The following NQO2 variants were observed in gnomAD, a reference collection of about 807,000 sequenced individuals.
The protein encoded by NQO2 is N-ribosyldihydronicotinamide:quinone dehydrogenase 2, also known as ribosyldihydronicotinamide dehydrogenase [quinone].
NQO2 carries 18 observed loss-of-function variants against 22.0 expected under a neutral mutation model. The ratio of observed to expected loss-of-function variants is 0.82; its 90% CI spans 0.56 to 1.21. NQO2 has a LOEUF of 1.21. Among genes scored for constraint, NQO2 ranks in the 50% most tolerant of loss-of-function variants. The pLI is 0.00. For missense variants in NQO2, 267 were observed against 286.9 expected (o/e 0.93, Z 0.50); for synonymous variants, 106 against 110.8 (o/e 0.96, Z 0.28).
At chr6:3,004,199 CA>C (rs1756848085) in intron 1 of NQO2, 1 of 412,244 alleles carries the variant, frequency 2.4e-6, no homozygotes, top group East Asian at 1.6e-4. Context: ...ATCTCAACTG[CA>C]AGGCAGCCTA....
chr6:3,001,034 G>A (rs114116262), intron 1 of NQO2, among the ~76,000 whole-genome samples: 2,682 of 151,406 alleles, frequency 0.018, 81 homozygotes, highest in African/African-American at 0.061. Context: ...GTACAGGTGG[G>A]AGTTTCACCA....
At chr6:3,000,460 T>G (rs1021550710) in intron 1 of NQO2, 8 of 152,238 alleles carry the variant, frequency 5.3e-5, no homozygotes, top group Non-Finnish European at 1.0e-4. Flanking sequence ...GCGCTGCCTT[T>G]GTCAAGGACA....
At chr6:3,016,243 C>T (rs1411387231) in intron 5 of NQO2, among the ~76,000 whole-genome samples, 6 of 151,826 alleles carry the variant, frequency 4.0e-5, no homozygotes, top group Admixed American at 1.3e-4. Context: ...CCAGCCTGGC[C>T]GACATGGTGA....
rs151077579 is a variant in NQO2, at chr6:3,010,121, G to T, written c.104G>T (p.Cys35Phe). Residue 35 changes from cysteine (C) to phenylalanine (F), a missense_variant, in exon 3 of 7, where the codon TGC becomes TTC. Transcript: ENST00000380455. ...VAVDELSRQG[C>F]TVTVSDLYAM... is the part of the protein sequence containing the mutation. ...GTAGATGAACTGAGCAGGCAGGGCT[G>T]CACCGTCACAGTGTCTGATTTGTAT... is the stretch of plus-strand genomic sequence containing the variant. 1.2e-6 allele frequency: 2 copies of T among 1,613,872 alleles called. No individual in the cohort carries two copies. The highest frequency in any genetic ancestry group is 1.3e-5 in the African/African-American group (1 of 74,900).
rs779029369 is a variant in NQO2 at position 3,006,435 on chromosome 6, C to T, written c.-85-33C>T. 7 of 1,568,064 alleles carry T rather than the reference C, an allele frequency of 4.5e-6. No individual in the cohort carries two copies. The highest frequency in any genetic ancestry group is 3.9e-5 in the Admixed American group (2 of 51,820). ...TACATTCGACCTCACCTATGCCTCTCCCCACCCCCTCTGGGTTCGTTTTGT... is the reference window on the plus strand; with the variant it reads ...TACATTCGACCTCACCTATGCCTCTTCCCACCCCCTCTGGGTTCGTTTTGT... On this transcript the variant is annotated intron_variant, in intron 1 of 6. Transcript: ENST00000380455. The surrounding 1 kb of genome is among the most constrained non-coding windows in gnomAD (Gnocchi z 4.0).
chr6:3,017,858 C>T (rs1409860445), intron 6 of NQO2, among the ~76,000 whole-genome samples: 2 of 152,108 alleles, frequency 1.3e-5, no homozygotes, highest in Non-Finnish European at 2.9e-5. Context: ...ACGCGTCACC[C>T]CTTTTCTGTG....
intron 1 of NQO2, chr6:3,004,792 GT>G (rs1474355308): frequency 1.4e-5 from 4 of 294,918 alleles, no homozygotes; most frequent in African/African-American, 2.3e-5. Flanking sequence ...TCTCTGCATT[GT>G]TTTTTTATCC....
chr6:3,013,706 G>A (rs750947398), intron 4 of NQO2, among the ~76,000 whole-genome samples: 25 of 152,094 alleles, frequency 1.6e-4, no homozygotes, highest in Non-Finnish European at 2.8e-4. Flanking sequence ...GCCACTTCCC[G>A]CCACTGCAAG....
chr6:3,005,382 C>G (rs796318234), intron 1 of NQO2, among the ~76,000 whole-genome samples: 4 of 152,218 alleles, frequency 2.6e-5, no homozygotes, highest in Non-Finnish European at 5.9e-5. Flanking sequence ...GGGGTTCCAA[C>G]TTCTCCGCAT....
chr6:3,006,610 T>A lies in NQO2; in HGVS notation c.7+51T>A, dbSNP rs867956661. 3.9e-6 allele frequency: 6 copies of A among 1,537,924 alleles called. No individual in the cohort carries two copies. The Middle Eastern group carries it at 1.0e-3, about 263-fold the overall frequency. The stretch of plus-strand genomic sequence containing the variant: ...GACTTTTTTTTTTTTGAGATGGGAT[T>A]TTGTTGTATTGCCCAGGCTGGTCTC... On this transcript the variant is annotated intron_variant, in intron 2 of 6. Transcript: ENST00000380455. This position sits in a 1 kb window ranked among gnomAD's most constrained non-coding sequence, Gnocchi z 4.0.
Position 3,014,875 on chromosome 6 carries a change from A to G in NQO2, c.304-655A>G, listed in dbSNP as rs560366348. 1.2e-4 allele frequency among the ~76,000 whole-genome samples: 18 copies of G among 152,332 alleles called. No individual in the cohort carries two copies. The East Asian group carries it at 2.9e-3, about 24-fold the overall frequency. ...CACAGGGAGGTCAAGTAACTTGCCA[A>G]TGTCACACAGCAGCAGGTCGTGGAG... On this transcript the variant is annotated intron_variant, in intron 4 of 6. Transcript: ENST00000380455.
chr6:3,011,240 A>G (rs1001892551), intron 3 of NQO2, among the ~76,000 whole-genome samples: 23 of 152,334 alleles, frequency 1.5e-4, no homozygotes, highest in African/African-American at 5.3e-4. Context: ...GAAATTTATC[A>G]GTTAAATTTT....
rs968104924 is a variant in NQO2, at chr6:3,004,725, T to C, written c.-85-1743T>C. 3.5e-6 allele frequency: 3 copies of C among 848,120 alleles called. No individual in the cohort carries two copies. In the African/African-American group the frequency reaches 5.5e-5, roughly 16 times the overall value. 52.5% of individuals were successfully genotyped at this position (848,120 alleles called of 1,614,324 possible). A position where few individuals can be genotyped will look rare whatever the true frequency, so the allele number is the denominator to read the frequency against. On this transcript the variant is annotated intron_variant, in intron 1 of 6. Transcript: ENST00000380455. ...GTAAAGACACACTGATAGGTTCACG[T>C]TGTCGTTTGGACACAACATGCGCGA...
chr6:3,001,439 T>C (rs898082792), intron 1 of NQO2, among the ~76,000 whole-genome samples: 5 of 152,142 alleles, frequency 3.3e-5, no homozygotes, highest in Non-Finnish European at 7.3e-5. Flanking sequence ...AGTTTAACCT[T>C]TAATCTCCGA....
rs1291354354 is a variant in NQO2 at position 3,006,552 on chromosome 6, T to C, written c.-1T>C. 1.9e-6 allele frequency: 3 copies of C among 1,609,102 alleles called. No homozygotes were observed. The highest frequency in any genetic ancestry group is 1.7e-6 in the Non-Finnish European group (2 of 1,177,880). ...AGAGAAGGAATCCACCTTCTTACGC[T>C]ATGGCAGGTAATGATTCACTATTGT... On this transcript the variant is annotated 5_prime_UTR_variant, in exon 2 of 7. Transcript: ENST00000380455. This position sits in a 1 kb window ranked among gnomAD's most constrained non-coding sequence, Gnocchi z 4.0.
At chr6:3,012,946 CTTTTTTTTTTTT>C (rs751626888) in intron 4 of NQO2, among the ~76,000 whole-genome samples, 17 of 60,730 alleles carry the variant, frequency 2.8e-4, no homozygotes, top group African/African-American at 1.2e-3. Context: ...TGTAACACTA[CTTTTTTTTTTTT>C]TTTTTTTTTT....
chr6:3,016,619 A>G (rs1426239334), intron 5 of NQO2: 1 of 289,808 alleles, frequency 3.5e-6, no homozygotes, highest in Non-Finnish European at 5.1e-6. Context: ...TCCATCACAC[A>G]TGGTGTCATG....
At chr6:3,018,878 A>AG (rs1451030274) in intron 6 of NQO2, among the ~76,000 whole-genome samples, 2 of 152,014 alleles carry the variant, frequency 1.3e-5, no homozygotes, top group African/African-American at 4.8e-5. Context: ...GGCCAAAAAA[A>AG]AAAGAGACAA....
intron 1 of NQO2, among the ~76,000 whole-genome samples, chr6:3,003,335 A>G (rs1756803183): frequency 6.6e-6 from 1 of 151,052 alleles, no homozygotes; most frequent in African/African-American, 2.5e-5. Context: ...ACCCCCAGGA[A>G]CTAGACAAGT....
Sources: gnomAD v4.1 joint callset for allele counts (sites outside exome capture counted in the v4.1 genomes callset) on GRCh38, gnomAD v4.1.1 for gene constraint, Gnocchi (gnomAD v3.1) non-coding constraint, MANE v1.5 for transcripts, NCBI Gene and HGNC (gene_info 2026-07-23, HGNC 2026-07-21) for gene names.